KCNQ3: variants seen among roughly 807,000 people sequenced by gnomAD.
KCNQ3 encodes potassium voltage-gated channel subfamily KQT member 3.
In KCNQ3, 30 loss-of-function variants were observed where a neutral mutation model predicts 92.5. The ratio of observed to expected loss-of-function variants is 0.32; its 90% CI spans 0.24 to 0.44. The LOEUF (loss-of-function observed/expected upper bound fraction) is 0.44. KCNQ3 is among the 20% of genes least tolerant of loss of function. The probability of loss-of-function intolerance (pLI) is 1.00; values close to 1 mark genes in which losing one functional copy is unlikely to be tolerated. For missense variants in KCNQ3, 913 were observed against 1,140.3 expected (o/e 0.80, Z 2.87); for synonymous variants, 450 against 468.8 (o/e 0.96, Z 0.52).
chr8:132,129,419 T>C lies in KCNQ3; in HGVS notation c.2462A>G (p.Asn821Ser), dbSNP rs118192254. Residue 821 changes from asparagine (N) to serine (S), a missense_variant, in exon 15 of 15, where the codon AAT becomes AGT. Physicochemically the swap from Asn to Ser is conservative, Grantham distance 46 (BLOSUM62 1). Around this residue, in one of 6 missense-constraint regions of KCNQ3, gnomAD observed 375 missense variants for 376.4 expected, o/e 1.00. Transcript: ENST00000388996. The surrounding 1 kb of genome is among the most constrained non-coding windows in gnomAD (Gnocchi z 5.9). ...CTCCCTCATCCAGCTCGACCCCCCA[T>C]TGGGGCCGAACACATAATCATCTCT... is the stretch of plus-strand genomic sequence containing the variant. Reference protein sequence around the residue: ...QDRDDYVFGPNGGSSWMREKR... With the variant: ...QDRDDYVFGPSGGSSWMREKR... 1.6e-4 allele frequency: 253 copies of C among 1,614,168 alleles called. No individual in the cohort carries two copies. The highest frequency in any genetic ancestry group is 1.2e-3 in the Middle Eastern group (7 of 6,062).
intron 1 of KCNQ3, among the ~76,000 whole-genome samples, chr8:132,203,461 AC>A (rs1827525179): frequency 6.6e-6 from 1 of 152,158 alleles, no homozygotes; most frequent in Admixed American, 6.6e-5. Flanking sequence ...TAAAGTGTCT[AC>A]CTCATAAGAG....
intron 9 of KCNQ3, among the ~76,000 whole-genome samples, chr8:132,152,335 G>A (rs1825663419): frequency 6.6e-6 from 1 of 152,122 alleles, no homozygotes; most frequent in African/African-American, 2.4e-5. Context: ...TCAGAGTCAA[G>A]GAAACTTATT....
intron 3 of KCNQ3, among the ~76,000 whole-genome samples, chr8:132,181,882 A>G (rs563877831): frequency 6.6e-6 from 1 of 151,316 alleles, no homozygotes; most frequent in East Asian, 1.9e-4. Flanking sequence ...CTCTACTAAA[A>G]ATACAAAAAA....
intron 1 of KCNQ3, among the ~76,000 whole-genome samples, chr8:132,228,177 T>G (rs1814494119): frequency 6.6e-6 from 1 of 152,184 alleles, no homozygotes; most frequent in Non-Finnish European, 1.5e-5. Flanking sequence ...TGCCTCTGGG[T>G]AAACTTTCTT....
chr8:132,150,314 C>A (rs987086022), intron 9 of KCNQ3, among the ~76,000 whole-genome samples: 1 of 152,096 alleles, frequency 6.6e-6, no homozygotes, highest in South Asian at 2.1e-4. Context: ...CTTTGTTTAG[C>A]CTTTGGGTGG....
chr8:132,401,395 G>A (rs200871451), intron 1 of KCNQ3, among the ~76,000 whole-genome samples: 2 of 94,952 alleles, frequency 2.1e-5, no homozygotes, highest in African/African-American at 6.7e-5. Flanking sequence ...TTTTTTTTTT[G>A]AGATGCAGTC....
intron 1 of KCNQ3, among the ~76,000 whole-genome samples, chr8:132,386,281 A>AT (rs1286401885): frequency 6.6e-6 from 1 of 152,128 alleles, no homozygotes; most frequent in African/African-American, 2.4e-5. Context: ...TCAATGGAAT[A>AT]TTTTTTACTC....
At chr8:132,437,510 T>C (rs1821427968) in intron 1 of KCNQ3, among the ~76,000 whole-genome samples, 1 of 152,232 alleles carries the variant, frequency 6.6e-6, no homozygotes, top group Non-Finnish European at 1.5e-5. Context: ...TAACATTTAA[T>C]GTATTAATTT....
chr8:132,443,025 C>T (rs921002582), intron 1 of KCNQ3, among the ~76,000 whole-genome samples: 6 of 152,160 alleles, frequency 3.9e-5, no homozygotes, highest in African/African-American at 9.7e-5. Flanking sequence ...CATCTGCGGC[C>T]GGTAATCCAC....
At chr8:132,421,545 C>T (rs1371883320) in intron 1 of KCNQ3, among the ~76,000 whole-genome samples, 1 of 151,946 alleles carries the variant, frequency 6.6e-6, no homozygotes, top group Admixed American at 6.6e-5. Context: ...GTGTGTGGGT[C>T]GGGGGAACAA....
intron 6 of KCNQ3, among the ~76,000 whole-genome samples, chr8:132,173,912 C>T (rs1826463441): frequency 6.6e-6 from 1 of 152,194 alleles, no homozygotes; most frequent in Admixed American, 6.5e-5. Context: ...ATTCACAGTC[C>T]TCTGGGGAAG....
At chr8:132,215,075 C>T (rs954750664) in intron 1 of KCNQ3, among the ~76,000 whole-genome samples, 4 of 152,194 alleles carry the variant, frequency 2.6e-5, no homozygotes, top group African/African-American at 9.7e-5. Flanking sequence ...GTCGTTCCCC[C>T]TGGCTGGAGA....
chr8:132,160,543 G>C (rs1586784965), intron 9 of KCNQ3, among the ~76,000 whole-genome samples: 1 of 152,014 alleles, frequency 6.6e-6, no homozygotes, highest in Admixed American at 6.6e-5. Flanking sequence ...GGATTTAACA[G>C]GTGTATATGT....
chr8:132,175,416 C>T (rs1180016879), intron 5 of KCNQ3, 37 bp downstream of exon 5: 12 of 1,611,644 alleles, frequency 7.4e-6, no homozygotes, highest in Non-Finnish European at 1.0e-5. Context: ...TCTTGACAGT[C>T]AATCTCACAG....
chr8:132,346,535 C>T (rs1818694060), intron 1 of KCNQ3, among the ~76,000 whole-genome samples: 1 of 152,222 alleles, frequency 6.6e-6, no homozygotes, highest in South Asian at 2.1e-4. Context: ...CACTCTCCAT[C>T]ACAGCTAAAA....
At chr8:132,406,418 AG>A (rs1231595356) in intron 1 of KCNQ3, among the ~76,000 whole-genome samples, 1 of 152,138 alleles carries the variant, frequency 6.6e-6, no homozygotes, top group African/African-American at 2.4e-5. Context: ...CAGGGAGAAA[AG>A]TGCTGATCAG....
chr8:132,284,488 ATTT>A (rs5895136), intron 1 of KCNQ3, among the ~76,000 whole-genome samples: 2 of 150,406 alleles, frequency 1.3e-5, no homozygotes, highest in African/African-American at 4.9e-5. Context: ...AACTCTATAG[ATTT>A]TTTTTTTATC....
chr8:132,403,032 A>AAAAAAAAG (rs61533581), intron 1 of KCNQ3, among the ~76,000 whole-genome samples: 3 of 148,662 alleles, frequency 2.0e-5, no homozygotes, highest in African/African-American at 7.4e-5. Flanking sequence ...AAAAAAAAAA[A>AAAAAAAAG]GTGTCAATAT....
chr8:132,376,436 A>G (rs767021748), intron 1 of KCNQ3, among the ~76,000 whole-genome samples: 1 of 152,210 alleles, frequency 6.6e-6, no homozygotes, highest in Non-Finnish European at 1.5e-5. Flanking sequence ...TAACTCACCC[A>G]GCCCTGGGCA....
Sources: allele counts gnomAD v4.1 joint callset (sites outside exome capture counted in the v4.1 genomes callset), GRCh38; gene constraint gnomAD v4.1.1; regional missense constraint gnomAD v4.1.1; non-coding constraint Gnocchi (gnomAD v3.1); transcripts MANE v1.5; gene names NCBI Gene and HGNC (gene_info 2026-07-23, HGNC 2026-07-21).